Variants in MEGF6 observed in about 807,000 individuals in gnomAD.
MEGF6 encodes the protein multiple EGF like domains 6, also known as multiple epidermal growth factor-like domains protein 6.
Under a neutral mutation model 207.1 loss-of-function variants are expected in MEGF6, and 184 were observed. The ratio of observed to expected loss-of-function variants is 0.89; its 90% CI spans 0.79 to 1.00. The LOEUF (loss-of-function observed/expected upper bound fraction) is 1.00, where lower values mean the gene tolerates loss of function less well. Among genes scored for constraint, MEGF6 ranks in the 50% least tolerant of loss-of-function variants. The probability of loss-of-function intolerance (pLI) is 0.00; values close to 1 mark genes in which losing one functional copy is unlikely to be tolerated. For missense variants in MEGF6, 2,282 were observed against 2,202.9 expected (o/e 1.04, Z -0.72); for synonymous variants, 1,038 against 910.0 (o/e 1.14, Z -2.53).
Position 3,506,158 on chromosome 1 carries a change from T to G in MEGF6, c.1868A>C (p.Tyr623Ser). 2.5e-6 allele frequency: 4 copies of G among 1,595,538 alleles called. No homozygotes were observed. The highest frequency in any genetic ancestry group is 3.4e-6 in the Non-Finnish European group (4 of 1,170,788). The change falls in exon 15 of 37, where the codon TAC (tyrosine) becomes TCC (serine). Residue 623 changes from tyrosine (Y) to serine (S), a missense_variant. Physicochemically the swap from Tyr to Ser is moderately radical, Grantham distance 144. Coordinates refer to ENST00000356575, the MANE Select transcript of MEGF6 (RefSeq NM_001409.4). ...CCCTGGGTCGCAGAGGCAGGCCCCG[T>G]AGAGGCGGTGGCACCGGCCCCGGTT... ...CANRGRCHRLYGACLCDPGLY... is the reference protein window; with the variant it reads ...CANRGRCHRLSGACLCDPGLY...
chr1:3,531,189 C>T (rs1020664636), intron 4 of MEGF6: 11 of 1,519,246 alleles, frequency 7.2e-6, no homozygotes, highest in Non-Finnish European at 9.7e-6. Context: ...GCGCCAGGCC[C>T]CCCAGGAGCC....
At chr1:3,610,881 G>T (rs1019251852) in intron 1 of MEGF6, among the ~76,000 whole-genome samples, 2 of 144,586 alleles carry the variant, frequency 1.4e-5, no homozygotes, top group African/African-American at 5.0e-5. Context: ...GCCTGAGCCT[G>T]CAGGACCCAC....
chr1:3,542,580 G>A (rs4333795), intron 4 of MEGF6, among the ~76,000 whole-genome samples: 16,469 of 152,186 alleles, frequency 0.11, 1,197 homozygotes, highest in East Asian at 0.23. Context: ...AGGGGAAGAT[G>A]GGCCACACGA....
intron 13 of MEGF6, 41 bp from the exon 14 acceptor site, chr1:3,507,964 C>A: frequency 6.3e-7 from 1 of 1,593,604 alleles, no homozygotes; most frequent in Non-Finnish European, 8.6e-7. Context: ...CACCAGCCAG[C>A]ACGACACTCT....
chr1:3,601,648 G>A (rs559244337), intron 2 of MEGF6, among the ~76,000 whole-genome samples: 60 of 152,302 alleles, frequency 3.9e-4, no homozygotes, highest in African/African-American at 1.4e-3. Flanking sequence ...CCACTGTCCC[G>A]GGGTAGGAAG....
At chr1:3,500,379 G>A (rs1253455910) in intron 21 of MEGF6, among the ~76,000 whole-genome samples, 3 of 152,266 alleles carry the variant, frequency 2.0e-5, no homozygotes, top group Non-Finnish European at 4.4e-5. Context: ...TCCAGGCTGC[G>A]AAGCAGAGCA....
Position 3,496,650 on chromosome 1 carries a change from C to T in MEGF6, c.3742+5G>A. On this transcript the variant is annotated splice_donor_5th_base_variant and intron_variant, in intron 29 of 36. Coordinates refer to ENST00000356575, the MANE Select transcript of MEGF6 (RefSeq NM_001409.4). Reference sequence around the variant, plus strand: ...CACTCAGCACTGCTGCCACCAGCCACTCACTGAGGTTGCAGTCCGTCCCGA... The same window carrying T: ...CACTCAGCACTGCTGCCACCAGCCATTCACTGAGGTTGCAGTCCGTCCCGA... 1 of 1,575,594 alleles carries T rather than the reference C, an allele frequency of 6.3e-7. No homozygotes were observed. The highest frequency in any genetic ancestry group is 1.2e-5 in the South Asian group (1 of 86,310).
At chr1:3,500,786 C>T (rs1285112371) in intron 20 of MEGF6, 22 bp from the exon 21 acceptor site, 4 of 1,603,274 alleles carry the variant, frequency 2.5e-6, no homozygotes, top group Middle Eastern at 1.7e-4. Flanking sequence ...CTCAGGGTCA[C>T]CCGGCGCAGG....
At chr1:3,533,357 C>T (rs985457398) in intron 4 of MEGF6, among the ~76,000 whole-genome samples, 1 of 152,264 alleles carries the variant, frequency 6.6e-6, no homozygotes, top group Non-Finnish European at 1.5e-5. Flanking sequence ...AGCCTCTGAG[C>T]CCTTGCCATG....
At position 3,498,361 on chromosome 1, in the gene MEGF6, C is replaced by T; in HGVS notation, c.3352+10G>A. The T allele has an allele frequency of 6.3e-7, 1 of 1,598,708 alleles. No homozygotes were observed. The highest frequency in any genetic ancestry group is 2.2e-5 in the East Asian group (1 of 44,698). On this transcript the variant is annotated intron_variant, in intron 26 of 36. Coordinates refer to ENST00000356575, the MANE Select transcript of MEGF6 (RefSeq NM_001409.4). ...GCCTGCAGACCCCCCTGCTGCCCCGCCCCACTCACGGCTCTGACACTTGTC... is the reference window on the plus strand; with the variant it reads ...GCCTGCAGACCCCCCTGCTGCCCCGTCCCACTCACGGCTCTGACACTTGTC...
intron 3 of MEGF6, among the ~76,000 whole-genome samples, chr1:3,587,000 G>A (rs953219509): frequency 1.3e-5 from 2 of 152,232 alleles, no homozygotes; most frequent in Non-Finnish European, 2.9e-5. Flanking sequence ...TGTGTGCAAG[G>A]AGGAAGGCCA....
intron 7 of MEGF6, among the ~76,000 whole-genome samples, chr1:3,512,802 C>T (rs190653305): frequency 2.6e-5 from 4 of 152,268 alleles, no homozygotes; most frequent in East Asian, 1.9e-4. Flanking sequence ...TTATCGGCAG[C>T]GTGAAAATGG....
chr1:3,528,989 T>C (rs982442270), intron 4 of MEGF6, among the ~76,000 whole-genome samples: 5 of 152,142 alleles, frequency 3.3e-5, no homozygotes, highest in Non-Finnish European at 5.9e-5. Context: ...ACTCGGACCA[T>C]CTGGGCTGGA....
At chr1:3,492,080 G>A (rs1471725879) in intron 35 of MEGF6, among the ~76,000 whole-genome samples, 4 of 151,914 alleles carry the variant, frequency 2.6e-5, no homozygotes, top group East Asian at 1.9e-4. Context: ...GACTGCGTGC[G>A]TGGACTGGCA....
At position 3,500,951 on chromosome 1, in the gene MEGF6, C is replaced by T; in HGVS notation, c.2575+15G>A. 6.2e-7 allele frequency: 1 copy of T among 1,611,036 alleles called. No individual in the cohort carries two copies. Among genetic ancestry groups the T allele is most frequent in the Non-Finnish European group, 8.5e-7 (1 of 1,179,894 alleles). On this transcript the variant is annotated intron_variant, in intron 20 of 36. Transcript: ENST00000356575. ...AGGGATGTCTGGACAAAGGGCAAGC[C>T]AAGGGCCCCCGTACCTCTCTGGCAG...
intron 4 of MEGF6, among the ~76,000 whole-genome samples, chr1:3,559,225 G>A (rs904543178): frequency 2.0e-5 from 3 of 152,106 alleles, no homozygotes; most frequent in African/African-American, 7.2e-5. Context: ...CACTTGCCCC[G>A]TCCTTAAACC....
upstream of MEGF6, among the ~76,000 whole-genome samples, chr1:3,614,423 A>G (rs1426533026): frequency 3.2e-4 from 49 of 152,266 alleles, 1 homozygote; most frequent in Admixed American, 3.2e-3. Context: ...ACACTTCTGT[A>G]TGCAGATTGA....
chr1:3,504,018 C>A (rs1557726598), intron 17 of MEGF6, among the ~76,000 whole-genome samples: 6 of 152,072 alleles, frequency 3.9e-5, no homozygotes, highest in South Asian at 4.1e-4. Flanking sequence ...GCTCCCTCTG[C>A]GGACCCCTTC....
At chr1:3,606,031 C>G (rs1025932417) in intron 1 of MEGF6, among the ~76,000 whole-genome samples, 6 of 152,212 alleles carry the variant, frequency 3.9e-5, no homozygotes, top group Non-Finnish European at 7.3e-5. Flanking sequence ...CCCCCTGAAA[C>G]TTCAAAAATT....
Sources: gnomAD v4.1 joint callset for allele counts (sites outside exome capture counted in the v4.1 genomes callset) on GRCh38, gnomAD v4.1.1 for gene constraint, MANE v1.5 for transcripts, NCBI Gene and HGNC (gene_info 2026-07-23, HGNC 2026-07-21) for gene names.